MACROD2: variants seen among roughly 807,000 people sequenced by gnomAD.
The protein encoded by MACROD2 is ADP-ribose glycohydrolase MACROD2.
Under a neutral mutation model 70.4 loss-of-function variants are expected in MACROD2, and 36 were observed. The observed-to-expected ratio is 0.51, with a 90% confidence interval of 0.39 to 0.68. The LOEUF (loss-of-function observed/expected upper bound fraction) is 0.68. Among genes scored for constraint, MACROD2 ranks in the 30% least tolerant of loss-of-function variants. The pLI is 0.00. For missense variants in MACROD2, 496 were observed against 538.4 expected, an observed-to-expected ratio of 0.92 and a Z score of 0.78; for synonymous variants, 172 against 178.8, an observed-to-expected ratio of 0.96 and a Z score of 0.30.
chr20:15,010,127 A>G (rs553426491), intron 5 of MACROD2, among the ~76,000 whole-genome samples: 93 of 152,332 alleles, frequency 6.1e-4, no homozygotes, highest in African/African-American at 2.2e-3. Context: ...GCAATGGCAA[A>G]AGCAAAGGTA....
intron 3 of MACROD2, among the ~76,000 whole-genome samples, chr20:14,442,747 C>G (rs1327622808): frequency 1.3e-5 from 2 of 151,966 alleles, no homozygotes; most frequent in Non-Finnish European, 2.9e-5. Flanking sequence ...AGCTGAATAC[C>G]TACCTCCCCA....
At chr20:14,342,245 A>G (rs2083021189) in intron 3 of MACROD2, among the ~76,000 whole-genome samples, 2 of 152,212 alleles carry the variant, frequency 1.3e-5, no homozygotes, top group East Asian at 3.9e-4. Flanking sequence ...TTGAGAAGGA[A>G]GGAGTGGATG....
At chr20:14,182,650 C>T (rs564122654) in intron 3 of MACROD2, among the ~76,000 whole-genome samples, 43 of 152,100 alleles carry the variant, frequency 2.8e-4, no homozygotes, top group African/African-American at 1.0e-3. Flanking sequence ...TTTGGTCTGT[C>T]TTGAGTTAAA....
At chr20:14,039,682 GGTT>G (rs1265713214) in intron 2 of MACROD2, among the ~76,000 whole-genome samples, 11 of 152,004 alleles carry the variant, frequency 7.2e-5, no homozygotes, top group African/African-American at 2.4e-4. Context: ...AACATTAAAA[GGTT>G]GTAAATTGGG....
intron 4 of MACROD2, among the ~76,000 whole-genome samples, chr20:14,544,658 G>T (rs6135175): frequency 6.6e-6 from 1 of 151,894 alleles, no homozygotes; most frequent in Non-Finnish European, 1.5e-5. Flanking sequence ...TAATTTATGT[G>T]AGAGGTAATC....
At chr20:14,381,826 C>T (rs1044641832) in intron 3 of MACROD2, among the ~76,000 whole-genome samples, 1 of 152,140 alleles carries the variant, frequency 6.6e-6, no homozygotes, top group Non-Finnish European at 1.5e-5. Context: ...TGATAACACT[C>T]TCTGCCTTGA....
chr20:15,808,038 G>C (rs968005967), intron 8 of MACROD2, among the ~76,000 whole-genome samples: 3 of 152,110 alleles, frequency 2.0e-5, no homozygotes, highest in Non-Finnish European at 2.9e-5. Context: ...TTACCGGTGT[G>C]TGCATCCCCC....
chr20:15,149,806 C>G (rs951024826), intron 5 of MACROD2, among the ~76,000 whole-genome samples: 5 of 151,940 alleles, frequency 3.3e-5, no homozygotes, highest in African/African-American at 1.2e-4. Flanking sequence ...GACTGCACAG[C>G]CCTGCACTTC....
chr20:14,116,862 A>G (rs2054520505), intron 3 of MACROD2, among the ~76,000 whole-genome samples: 1 of 151,962 alleles, frequency 6.6e-6, no homozygotes, highest in Non-Finnish European at 1.5e-5. Context: ...AGGTCAAGAG[A>G]TCAAGACCAT....
intron 8 of MACROD2, among the ~76,000 whole-genome samples, chr20:15,736,896 A>G (rs1379820909): frequency 6.6e-6 from 1 of 152,216 alleles, no homozygotes; most frequent in African/African-American, 2.4e-5. Flanking sequence ...TTGTAATAAA[A>G]GTCACAAAAG....
intron 5 of MACROD2, among the ~76,000 whole-genome samples, chr20:15,053,928 C>G (rs1045087195): frequency 1.3e-5 from 2 of 152,162 alleles, no homozygotes; most frequent in Admixed American, 6.5e-5. Context: ...GATTTCAACT[C>G]TTATGGATGA....
chr20:14,273,383 C>CCTGAATG (rs1432599784), intron 3 of MACROD2, among the ~76,000 whole-genome samples: 1 of 150,766 alleles, frequency 6.6e-6, no homozygotes, highest in Admixed American at 6.6e-5. Context: ...ACAACCTGCT[C>CCTGAATG]CTGAATGACT....
At chr20:16,029,409 T>C (rs2067122809) in intron 15 of MACROD2, among the ~76,000 whole-genome samples, 1 of 152,186 alleles carries the variant, frequency 6.6e-6, no homozygotes, top group African/African-American at 2.4e-5. Flanking sequence ...ACACCTGATC[T>C]TGGGTGAAAG....
At chr20:14,769,272 G>T (rs6042908) in intron 5 of MACROD2, among the ~76,000 whole-genome samples, 12 of 151,932 alleles carry the variant, frequency 7.9e-5, no homozygotes, top group Non-Finnish European at 1.2e-4. Flanking sequence ...GTGTAAAGAG[G>T]TATTTCTTCT....
intron 7 of MACROD2, among the ~76,000 whole-genome samples, chr20:15,477,264 C>A (rs1284608166): frequency 6.6e-6 from 1 of 152,014 alleles, no homozygotes; most frequent in Non-Finnish European, 1.5e-5. Context: ...CCATAGCAGG[C>A]AAACTTCTTT....
At chr20:15,073,444 A>T (rs2075633980) in intron 5 of MACROD2, among the ~76,000 whole-genome samples, 1 of 149,596 alleles carries the variant, frequency 6.7e-6, no homozygotes. Flanking sequence ...TTGCACAATT[A>T]TTTCAGAAGT....
intron 8 of MACROD2, among the ~76,000 whole-genome samples, chr20:15,793,090 T>C (rs2063639826): frequency 1.3e-5 from 2 of 151,582 alleles, no homozygotes; most frequent in South Asian, 4.2e-4. Context: ...GATCACTGTG[T>C]ATAATGTGGT....
chr20:15,117,130 G>A (rs1229910803), intron 5 of MACROD2, among the ~76,000 whole-genome samples: 1 of 152,122 alleles, frequency 6.6e-6, no homozygotes, highest in African/African-American at 2.4e-5. Flanking sequence ...CACTGTTAAA[G>A]TTGGGAACAA....
At chr20:14,735,868 CAATA>C (rs1190652910) in intron 5 of MACROD2, among the ~76,000 whole-genome samples, 2 of 151,792 alleles carry the variant, frequency 1.3e-5, no homozygotes, top group African/African-American at 4.8e-5. Context: ...AAATAAATAA[CAATA>C]AATAAATAAA....
Sources: allele counts gnomAD v4.1 joint callset (sites outside exome capture counted in the v4.1 genomes callset), GRCh38; gene constraint gnomAD v4.1.1; transcripts MANE v1.5; gene names NCBI Gene and HGNC (gene_info 2026-07-23, HGNC 2026-07-21).